The following OXSR1 variants were observed in gnomAD, a reference collection of about 807,000 sequenced individuals.
OXSR1 encodes oxidative stress responsive kinase 1, also known as serine/threonine-protein kinase OSR1.
Under a neutral mutation model 79.8 loss-of-function variants are expected in OXSR1, and 24 were observed. That is an observed-to-expected ratio of 0.30 (90% CI 0.22 to 0.42). The LOEUF is 0.42. Ranked by LOEUF, OXSR1 falls within the 10% of genes least tolerant of loss-of-function variation. The pLI is 1.00. For missense variants in OXSR1, 430 were observed against 618.4 expected, an observed-to-expected ratio of 0.70 and a Z score of 3.23; for synonymous variants, 226 against 209.2, an observed-to-expected ratio of 1.08 and a Z score of -0.69.
At chr3:38,187,355 T>C (rs952825710) in intron 2 of OXSR1, among the ~76,000 whole-genome samples, 1 of 152,224 alleles carries the variant, frequency 6.6e-6, no homozygotes, top group African/African-American at 2.4e-5. Context: ...ATCGAGACTC[T>C]AAATTCAGGC....
At chr3:38,178,099 C>T (rs1442417719) in intron 1 of OXSR1, among the ~76,000 whole-genome samples, 3 of 151,830 alleles carry the variant, frequency 2.0e-5, no homozygotes, top group Middle Eastern at 3.2e-3. Context: ...CAGATGTGTG[C>T]GACGACACCC....
chr3:38,220,261 A>G (rs1165322171), intron 5 of OXSR1, among the ~76,000 whole-genome samples: 2 of 152,202 alleles, frequency 1.3e-5, no homozygotes, highest in African/African-American at 4.8e-5. Context: ...GAATTCATAG[A>G]CTTCTGAATC....
intron 8 of OXSR1, among the ~76,000 whole-genome samples, chr3:38,227,821 G>A (rs1403457372): frequency 2.0e-5 from 3 of 152,050 alleles, no homozygotes; most frequent in Non-Finnish European, 2.9e-5. Context: ...AGGCAACCTC[G>A]GGGAACAGAT....
At chr3:38,219,896 CT>C (rs1001416259) in intron 5 of OXSR1, among the ~76,000 whole-genome samples, 38 of 152,198 alleles carry the variant, frequency 2.5e-4, no homozygotes, top group African/African-American at 7.7e-4. Flanking sequence ...CAGCCTCAAA[CT>C]CGTAGGCTCA....
intron 1 of OXSR1, among the ~76,000 whole-genome samples, chr3:38,168,673 C>T (rs1701514964): frequency 6.6e-6 from 1 of 152,216 alleles, no homozygotes; most frequent in African/African-American, 2.4e-5. Flanking sequence ...GCAGTTACTC[C>T]CTGTTCCCAC....
intron 4 of OXSR1, among the ~76,000 whole-genome samples, chr3:38,208,985 TGCGCGCGC>T (rs1553635633): frequency 2.1e-4 from 27 of 128,132 alleles, no homozygotes; most frequent in Admixed American, 7.6e-4. Context: ...TGTGTGTGTG[TGCGCGCGC>T]GCGTGCGCGC....
chr3:38,183,347 T>A (rs1701822477), intron 2 of OXSR1, among the ~76,000 whole-genome samples: 1 of 152,166 alleles, frequency 6.6e-6, no homozygotes, highest in Non-Finnish European at 1.5e-5. Flanking sequence ...GAGTGAACAT[T>A]TGAATATATT....
intron 3 of OXSR1, among the ~76,000 whole-genome samples, chr3:38,193,887 C>G (rs190782473): frequency 6.6e-6 from 1 of 152,010 alleles, no homozygotes; most frequent in Admixed American, 6.6e-5. Context: ...TACATCTAAA[C>G]CTTTTAAATA....
chr3:38,186,108 A>G (rs564570540), intron 2 of OXSR1, among the ~76,000 whole-genome samples: 1 of 152,210 alleles, frequency 6.6e-6, no homozygotes, highest in Non-Finnish European at 1.5e-5. Flanking sequence ...TCTGCTTGGC[A>G]GGGGTTTAAA....
chr3:38,246,358 A>G, intron 13 of OXSR1, 137 bp downstream of exon 13: 1 of 811,490 alleles, frequency 1.2e-6, no homozygotes, highest in Non-Finnish European at 1.9e-6. Context: ...CTGTCTTCAC[A>G]TTTTTAAGCA....
At chr3:38,183,264 A>T in intron 2 of OXSR1, 149 bp downstream of exon 2, 1 of 427,828 alleles carries the variant, frequency 2.3e-6, no homozygotes, top group Non-Finnish European at 4.1e-6. Flanking sequence ...AAATTTATAA[A>T]GTCTGGATAA....
intron 3 of OXSR1, among the ~76,000 whole-genome samples, chr3:38,198,174 A>G (rs748706906): frequency 4.6e-5 from 7 of 152,094 alleles, no homozygotes; most frequent in Non-Finnish European, 8.8e-5. Context: ...AAGAACTGTT[A>G]TTTTTATTCT....
At chr3:38,164,584 T>C (rs1701390807), upstream of OXSR1, among the ~76,000 whole-genome samples, 2 of 152,222 alleles carry the variant, frequency 1.3e-5, no homozygotes, top group African/African-American at 4.8e-5. Flanking sequence ...TTCAGCTCGC[T>C]AATTTCTCTA....
At chr3:38,171,351 C>A (rs543384895) in intron 1 of OXSR1, among the ~76,000 whole-genome samples, 2 of 152,248 alleles carry the variant, frequency 1.3e-5, no homozygotes, top group South Asian at 4.1e-4. Context: ...AGATTACACT[C>A]AACTTTTTCA....
At chr3:38,245,396 T>C (rs1703119474) in intron 12 of OXSR1, among the ~76,000 whole-genome samples, 1 of 152,228 alleles carries the variant, frequency 6.6e-6, no homozygotes, top group Non-Finnish European at 1.5e-5. Context: ...TATCTTTTTT[T>C]AGTTTTAAAG....
rs771049895 is a variant in OXSR1, at chr3:38,216,127, G to GA, written c.468dup (p.Asp157ArgfsTer12). Reference sequence around the variant, plus strand: ...GAAAGCTGGAAACATTCTTCTTGGAGAAGATGGCTCAGTACAGATTGCAGG... The same window carrying GA: ...GAAAGCTGGAAACATTCTTCTTGGAGAAAGATGGCTCAGTACAGATTGCAGG... On this transcript the variant is annotated frameshift_variant, in exon 5 of 18. Transcript: ENST00000311806. LOFTEE classifies it high-confidence loss of function. The GA allele has an allele frequency of 6.3e-7, 1 of 1,590,570 alleles. No individual in the cohort carries two copies. The highest frequency in any genetic ancestry group is 8.6e-7 in the Non-Finnish European group (1 of 1,163,270).
intron 1 of OXSR1, among the ~76,000 whole-genome samples, chr3:38,169,519 T>C (rs1701534587): frequency 6.6e-6 from 1 of 152,108 alleles, no homozygotes; most frequent in Non-Finnish European, 1.5e-5. Flanking sequence ...TTGGGCAGGC[T>C]GGTCTCAAAC....
intron 2 of OXSR1, among the ~76,000 whole-genome samples, chr3:38,188,875 A>G (rs1407752822): frequency 1.3e-5 from 2 of 152,158 alleles, no homozygotes; most frequent in Non-Finnish European, 2.9e-5. Flanking sequence ...GCTGTTTATT[A>G]TTCTGTATTG....
In OXSR1 at chr3:38,178,620, ATTT is replaced by A. The variant is rs71085303; in HGVS notation, c.71-4364_71-4362del. On this transcript the variant is annotated intron_variant, in intron 1 of 17. Transcript: ENST00000311806. ...TATCCAGCTATATATATATATATAT[ATTT>A]TTTTTTTTTTTTTTTTTTCTTTTTT... 9.6e-3 allele frequency among the ~76,000 whole-genome samples: 913 copies of A among 95,042 alleles called. 6 individuals carry two copies. The highest frequency in any genetic ancestry group is 0.03 in the African/African-American group (667 of 22,480). 62.4% of individuals were successfully genotyped at this position (95,042 alleles called of 152,430 possible). A position where few individuals can be genotyped will look rare whatever the true frequency, so the allele number is the denominator to read the frequency against.
Sources: gnomAD v4.1 joint callset for allele counts (sites outside exome capture counted in the v4.1 genomes callset) on GRCh38, gnomAD v4.1.1 for gene constraint, MANE v1.5 for transcripts, NCBI Gene and HGNC (gene_info 2026-07-23, HGNC 2026-07-21) for gene names.